The following LAMA2 variants were observed in gnomAD, a reference collection of about 807,000 sequenced individuals.
The protein encoded by LAMA2 is laminin subunit alpha 2, also known as laminin subunit alpha-2.
In LAMA2, 269 loss-of-function variants were observed where a neutral mutation model predicts 364.8. The ratio of observed to expected loss-of-function variants is 0.74; its 90% CI spans 0.67 to 0.82. LAMA2 has a LOEUF of 0.82. Among genes scored for constraint, LAMA2 ranks in the 40% least tolerant of loss-of-function variants. The pLI is 0.00. For synonymous variants in LAMA2, 1,379 were observed against 1,370.6 expected (o/e 1.01, Z -0.14); for missense variants, 3,807 against 3,873.2 (o/e 0.98, Z 0.45).
intron 1 of LAMA2, among the ~76,000 whole-genome samples, chr6:128,959,026 G>A (rs1347263233): frequency 6.6e-6 from 1 of 152,096 alleles, no homozygotes; most frequent in African/African-American, 2.4e-5. Context: ...TGCTAACATT[G>A]TTAAAACCAT....
intron 10 of LAMA2, among the ~76,000 whole-genome samples, chr6:129,186,327 A>G (rs973072285): frequency 9.9e-5 from 15 of 151,790 alleles, no homozygotes; most frequent in Non-Finnish European, 2.1e-4. Context: ...TCAGTCTGGA[A>G]GGTACAAAAC....
chr6:129,223,193 G>C (rs1458947008), intron 12 of LAMA2, among the ~76,000 whole-genome samples: 1 of 152,070 alleles, frequency 6.6e-6, no homozygotes, highest in Non-Finnish European at 1.5e-5. Context: ...GGGGTTATTT[G>C]TTTTTTTCTT....
chr6:128,911,359 G>A (rs1056052384), intron 1 of LAMA2, among the ~76,000 whole-genome samples: 7 of 152,048 alleles, frequency 4.6e-5, no homozygotes, highest in African/African-American at 1.4e-4. Context: ...TTTTAAGCCC[G>A]TCGGAAAGGC....
chr6:128,993,350 C>G (rs1783723906), intron 1 of LAMA2, among the ~76,000 whole-genome samples: 1 of 152,130 alleles, frequency 6.6e-6, no homozygotes, highest in African/African-American at 2.4e-5. Flanking sequence ...GTTGTCTTGA[C>G]AGTGGATCAT....
chr6:129,039,762 C>T lies in LAMA2; in HGVS notation c.113-10156C>T, dbSNP rs527391315. Among the ~76,000 whole-genome samples the T allele has an allele frequency of 4.6e-5, 7 of 152,294 alleles. No homozygotes were observed. The South Asian group carries it at 1.2e-3, about 27-fold the overall frequency. On this transcript the variant is annotated intron_variant, in intron 1 of 64. Coordinates refer to ENST00000421865, the MANE Select transcript of LAMA2 (RefSeq NM_000426.4). Reference sequence around the variant, plus strand: ...TAAGTAGCTCACAACCTAGATCCCTCGCATGCACAGTTCACAATATGGTTC... The same window carrying T: ...TAAGTAGCTCACAACCTAGATCCCTTGCATGCACAGTTCACAATATGGTTC...
chr6:129,380,672 A>T (rs945600126), intron 34 of LAMA2, among the ~76,000 whole-genome samples: 2 of 152,196 alleles, frequency 1.3e-5, no homozygotes, highest in Non-Finnish European at 2.9e-5. Flanking sequence ...CATTCTAGGT[A>T]AAGACAATGG....
At chr6:129,084,388 C>T (rs1445239196) in intron 3 of LAMA2, among the ~76,000 whole-genome samples, 1 of 151,476 alleles carries the variant, frequency 6.6e-6, no homozygotes, top group Non-Finnish European at 1.5e-5. Flanking sequence ...TGAAGTTAGT[C>T]TGGTATATTG....
chr6:129,447,900 C>G (rs1782470263), intron 45 of LAMA2, among the ~76,000 whole-genome samples: 1 of 152,182 alleles, frequency 6.6e-6, no homozygotes, highest in Admixed American at 6.5e-5. Flanking sequence ...ATTATTTCTT[C>G]ATTGTAAAGA....
chr6:129,042,086 G>T (rs1442130347), intron 1 of LAMA2, among the ~76,000 whole-genome samples: 2 of 151,064 alleles, frequency 1.3e-5, no homozygotes, highest in Non-Finnish European at 1.5e-5. Flanking sequence ...AGGTGGATCA[G>T]TTGAGGTCAG....
At chr6:129,099,203 C>T (rs78402435) in intron 4 of LAMA2, among the ~76,000 whole-genome samples, 10,170 of 141,814 alleles carry the variant, frequency 0.072, 449 homozygotes, top group Middle Eastern at 0.15. Context: ...TCAGTTTCAT[C>T]GCCCATAAAT....
At chr6:129,070,777 G>A (rs570085384) in intron 3 of LAMA2, among the ~76,000 whole-genome samples, 3 of 152,178 alleles carry the variant, frequency 2.0e-5, no homozygotes, top group East Asian at 1.9e-4. Flanking sequence ...GTGAAGTTTT[G>A]ACGTTTTGTC....
intron 3 of LAMA2, among the ~76,000 whole-genome samples, chr6:129,062,804 T>C (rs1040989702): frequency 2.0e-5 from 3 of 152,176 alleles, no homozygotes; most frequent in Admixed American, 2.0e-4. Context: ...GCCAGTATTG[T>C]TGTTGATAAA....
chr6:129,022,045 G>A (rs1249919645), intron 1 of LAMA2, among the ~76,000 whole-genome samples: 1 of 152,012 alleles, frequency 6.6e-6, no homozygotes, highest in East Asian at 1.9e-4. Flanking sequence ...AGAAAACAGC[G>A]GTACAAATCA....
chr6:129,314,873 G>T (rs1774480920), intron 24 of LAMA2, 75 bp downstream of exon 24: 2 of 1,525,706 alleles, frequency 1.3e-6, no homozygotes, highest in Non-Finnish European at 1.8e-6. Context: ...AGGCACTGAG[G>T]GGTAGTAGAA....
chr6:129,343,353 T>C (rs1776372260), intron 30 of LAMA2, among the ~76,000 whole-genome samples: 1 of 152,162 alleles, frequency 6.6e-6, no homozygotes, highest in Non-Finnish European at 1.5e-5. Context: ...AATCTTCGGC[T>C]TTGTGTGCAT....
chr6:129,322,921 C>G (rs1030486562), intron 28 of LAMA2, among the ~76,000 whole-genome samples: 1 of 152,086 alleles, frequency 6.6e-6, no homozygotes, highest in Non-Finnish European at 1.5e-5. Flanking sequence ...ACAAATAAAA[C>G]AAATGATAAA....
chr6:129,293,709 A>C (rs906623324), intron 20 of LAMA2, among the ~76,000 whole-genome samples: 10 of 15,094 alleles, frequency 6.6e-4, no homozygotes, highest in African/African-American at 1.3e-3. Context: ...GCTGAGCTGC[A>C]GAAGAGTAGG....
At chr6:128,909,118 T>C (rs1011319131) in intron 1 of LAMA2, among the ~76,000 whole-genome samples, 33 of 151,482 alleles carry the variant, frequency 2.2e-4, no homozygotes, top group African/African-American at 7.5e-4. Flanking sequence ...TTCTGTTGAT[T>C]TGGGGTGGAG....
Position 129,303,747 on chromosome 6 carries a change from T to G in LAMA2, c.3174+2875T>G, listed in dbSNP as rs573217319. On this transcript the variant is annotated intron_variant, in intron 22 of 64. Coordinates refer to ENST00000421865, the MANE Select transcript of LAMA2 (RefSeq NM_000426.4). ...TCAACATATCAATCCAGTCTTACAA[T>G]CCTCAGATTAATCCTGCTTGGCCAT... Among the ~76,000 whole-genome samples, 4 of 152,292 alleles carry G rather than the reference T, an allele frequency of 2.6e-5. No homozygotes were observed. The East Asian group carries it at 7.7e-4, about 29-fold the overall frequency.
Sources: gnomAD v4.1 joint callset for allele counts (sites outside exome capture counted in the v4.1 genomes callset) on GRCh38, gnomAD v4.1.1 for gene constraint, MANE v1.5 for transcripts, NCBI Gene and HGNC (gene_info 2026-07-23, HGNC 2026-07-21) for gene names.